FMNL2: variants seen among roughly 807,000 people sequenced by gnomAD.
The protein encoded by FMNL2 is formin like 2, also known as formin-like protein 2.
FMNL2 carries 51 observed loss-of-function variants against 130.2 expected under a neutral mutation model. The observed-to-expected ratio is 0.39, with a 90% CI of 0.31 to 0.49. FMNL2 has a LOEUF of 0.49. Among genes scored for constraint, FMNL2 ranks in the 20% least tolerant of loss-of-function variants. FMNL2 has a pLI of 0.85. For missense variants in FMNL2, 977 were observed against 1,316.2 expected (o/e 0.74, Z 3.99); for synonymous variants, 465 against 467.1 (o/e 1.00, Z 0.06).
intron 6 of FMNL2, among the ~76,000 whole-genome samples, chr2:152,566,479 G>C (rs1695844713): frequency 6.6e-6 from 1 of 152,164 alleles, no homozygotes; most frequent in Non-Finnish European, 1.5e-5. Flanking sequence ...GGGTCGAACA[G>C]TAAGTGAAGG....
intron 1 of FMNL2, among the ~76,000 whole-genome samples, chr2:152,467,912 T>C (rs531017727): frequency 6.6e-6 from 1 of 152,368 alleles, no homozygotes; most frequent in South Asian, 2.1e-4. Context: ...GGTACTGTTG[T>C]CATCATCACC....
intron 13 of FMNL2, among the ~76,000 whole-genome samples, chr2:152,618,464 G>A (rs1047816775): frequency 3.3e-5 from 5 of 152,128 alleles, no homozygotes; most frequent in African/African-American, 1.2e-4. Flanking sequence ...ATTGTTAGCT[G>A]ATATGTGTAT....
intron 1 of FMNL2, among the ~76,000 whole-genome samples, chr2:152,419,446 CG>C (rs1373565886): frequency 1.3e-5 from 2 of 151,882 alleles, no homozygotes; most frequent in Admixed American, 1.3e-4. Flanking sequence ...GTGAAGTAAG[CG>C]AAACACAGAA....
chr2:152,573,556 A>G (rs907541677), intron 6 of FMNL2, among the ~76,000 whole-genome samples: 1 of 152,178 alleles, frequency 6.6e-6, no homozygotes, highest in African/African-American at 2.4e-5. Flanking sequence ...TGTATCAAGA[A>G]AGGATTAGAG....
intron 15 of FMNL2, among the ~76,000 whole-genome samples, chr2:152,624,443 C>G (rs1470704844): frequency 6.6e-6 from 1 of 151,934 alleles, no homozygotes; most frequent in East Asian, 2.0e-4. Flanking sequence ...TGAGCCACCA[C>G]GCCCAGCAAT....
chr2:152,387,370 A>C (rs1384407312), intron 1 of FMNL2, among the ~76,000 whole-genome samples: 1 of 152,318 alleles, frequency 6.6e-6, no homozygotes, highest in East Asian at 1.9e-4. Flanking sequence ...GGCCTTTGAT[A>C]AATGTTTGTT....
At position 152,492,424 on chromosome 2, in the gene FMNL2, A is replaced by G. The variant is rs1022593010; in HGVS notation, c.118-29519A>G. ...TTTTCGGCAAGGAAATTAGTTCAAT[A>G]TTTTTGGCTTTGTCAACTCAGTTCT... On this transcript the variant is annotated intron_variant, in intron 1 of 25. Transcript: ENST00000288670. Among the ~76,000 whole-genome samples the G allele has an allele frequency of 4.6e-5, 7 of 152,174 alleles. No individual in the cohort carries two copies. The East Asian group carries it at 1.2e-3, about 25-fold the overall frequency.
intron 1 of FMNL2, among the ~76,000 whole-genome samples, chr2:152,520,756 T>G (rs1198460570): frequency 6.6e-6 from 1 of 152,192 alleles, no homozygotes; most frequent in Non-Finnish European, 1.5e-5. Flanking sequence ...TAATCAGTGG[T>G]TGATTTTCTA....
chr2:152,635,344 ACCAAATGCATTG>A (rs1237289166), intron 21 of FMNL2, among the ~76,000 whole-genome samples: 2 of 152,212 alleles, frequency 1.3e-5, no homozygotes, highest in African/African-American at 4.8e-5. Flanking sequence ...TTCCTGAACC[ACCAAATGCATTG>A]CCAAATGCAT....
chr2:152,637,135 CCT>C (rs1682685522), intron 22 of FMNL2, among the ~76,000 whole-genome samples: 1 of 152,128 alleles, frequency 6.6e-6, no homozygotes, highest in South Asian at 2.1e-4. Flanking sequence ...CTGAGTGTCC[CCT>C]GTGTGAGGCT....
chr2:152,386,487 G>A (rs755462746), intron 1 of FMNL2, among the ~76,000 whole-genome samples: 13 of 145,980 alleles, frequency 8.9e-5, no homozygotes, highest in Non-Finnish European at 1.8e-4. Context: ...GTCAGTGCCT[G>A]TGGTAAGTCC....
At chr2:152,468,840 G>C (rs1183368927) in intron 1 of FMNL2, among the ~76,000 whole-genome samples, 1 of 152,182 alleles carries the variant, frequency 6.6e-6, no homozygotes, top group Non-Finnish European at 1.5e-5. Flanking sequence ...TTGAATAGGT[G>C]ATTTGAGGGT....
intron 1 of FMNL2, among the ~76,000 whole-genome samples, chr2:152,381,562 G>T (rs540042269): frequency 6.6e-6 from 1 of 152,150 alleles, no homozygotes; most frequent in Non-Finnish European, 1.5e-5. Flanking sequence ...TAGGGTTTCC[G>T]CTCTGTGTGG....
At position 152,607,326 on chromosome 2, in the gene FMNL2, ATG is replaced by A. The variant is rs771648047; in HGVS notation, c.877-7_877-6del. Reference sequence around the variant, plus strand: ...TTAGAAAGTCACATGCACAATGAAAATGTGTGTTTCAGGTTTGTGGAGAAAAA... The same window carrying A: ...TTAGAAAGTCACATGCACAATGAAAATGTGTTTCAGGTTTGTGGAGAAAAA... On this transcript the variant is annotated splice_polypyrimidine_tract_variant and intron_variant, in intron 9 of 25. Transcript: ENST00000288670. The A allele has an allele frequency of 1.2e-6, 2 of 1,612,000 alleles. No individual in the cohort carries two copies. Among genetic ancestry groups the A allele is most frequent in the East Asian group, 2.2e-5 (1 of 44,836 alleles).
chr2:152,451,029 T>C (rs549498366), intron 1 of FMNL2, among the ~76,000 whole-genome samples: 1 of 152,338 alleles, frequency 6.6e-6, no homozygotes, highest in South Asian at 2.1e-4. Flanking sequence ...AAGATTTTGT[T>C]GAATAAAACA....
At chr2:152,362,586 C>A (rs748548370) in intron 1 of FMNL2, among the ~76,000 whole-genome samples, 1 of 151,438 alleles carries the variant, frequency 6.6e-6, no homozygotes, top group Non-Finnish European at 1.5e-5. Flanking sequence ...CCACCCCTTG[C>A]TTGCTTTTTT....
chr2:152,595,740 C>A (rs187348571), intron 9 of FMNL2, among the ~76,000 whole-genome samples: 1 of 152,122 alleles, frequency 6.6e-6, no homozygotes, highest in Non-Finnish European at 1.5e-5. Context: ...TTTTCCCATG[C>A]GGAGGAGATC....
chr2:152,367,318 C>A (rs776919307), intron 1 of FMNL2, among the ~76,000 whole-genome samples: 2 of 152,020 alleles, frequency 1.3e-5, no homozygotes, highest in Non-Finnish European at 2.9e-5. Flanking sequence ...TCAAGTGATC[C>A]GCCCACCTTA....
At chr2:152,623,179 C>T (rs932147411) in intron 15 of FMNL2, among the ~76,000 whole-genome samples, 3 of 152,300 alleles carry the variant, frequency 2.0e-5, no homozygotes, top group Middle Eastern at 3.4e-3. Context: ...CCTACCATGT[C>T]TGTGGGAGGA....
Sources: gnomAD v4.1 joint callset for allele counts (sites outside exome capture counted in the v4.1 genomes callset) on GRCh38, gnomAD v4.1.1 for gene constraint, MANE v1.5 for transcripts, NCBI Gene and HGNC (gene_info 2026-07-23, HGNC 2026-07-21) for gene names.